Variants in PHF14 observed in about 807,000 individuals in gnomAD.
The protein encoded by PHF14 is PHD finger protein 14.
A neutral mutation model predicts 117.9 loss-of-function variants in PHF14; 55 were observed. That is an observed-to-expected ratio of 0.47 (90% CI 0.38 to 0.58). The LOEUF (loss-of-function observed/expected upper bound fraction) is 0.58, where lower values mean the gene tolerates loss of function less well. Among genes scored for constraint, PHF14 ranks in the 20% least tolerant of loss-of-function variants. The pLI is 0.00. For missense variants in PHF14, 978 were observed against 1,122.2 expected (o/e 0.87, Z 1.84); for synonymous variants, 409 against 368.6 (o/e 1.11, Z -1.26).
chr7:10,985,939 C>T (rs762615853), intron 3 of PHF14, among the ~76,000 whole-genome samples: 13 of 152,050 alleles, frequency 8.5e-5, no homozygotes, highest in Middle Eastern at 3.4e-3. Flanking sequence ...AGGCATGAGC[C>T]ACCACACCTG....
At chr7:11,049,050 A>G (rs78921195) in intron 13 of PHF14, among the ~76,000 whole-genome samples, 2,287 of 152,326 alleles carry the variant, frequency 0.015, 54 homozygotes, top group East Asian at 0.1. Context: ...AGAAGCGAAG[A>G]GGAAATATTT....
chr7:11,133,350 A>G (rs1475130205), intron 17 of PHF14, among the ~76,000 whole-genome samples: 2 of 151,954 alleles, frequency 1.3e-5, no homozygotes, highest in Non-Finnish European at 2.9e-5. Context: ...GTAAAAGACA[A>G]ATAGGTCAAT....
intron 13 of PHF14, among the ~76,000 whole-genome samples, chr7:11,044,375 A>T (rs868705010): frequency 1.3e-5 from 2 of 152,140 alleles, no homozygotes; most frequent in African/African-American, 4.8e-5. Context: ...TGTTTTAGTG[A>T]GAGCACTTCT....
intron 3 of PHF14, among the ~76,000 whole-genome samples, chr7:10,985,884 C>T (rs971398505): frequency 6.6e-6 from 1 of 152,024 alleles, no homozygotes; most frequent in African/African-American, 2.4e-5. Context: ...AACTCCTGAC[C>T]TCAAGTGATC....
At chr7:11,044,533 T>A (rs983925949) in intron 13 of PHF14, among the ~76,000 whole-genome samples, 12 of 152,144 alleles carry the variant, frequency 7.9e-5, no homozygotes, top group African/African-American at 2.4e-4. Context: ...TCAACTTAGC[T>A]TTGGTTAGCA....
At chr7:11,031,741 A>G (rs758030213) in intron 7 of PHF14, among the ~76,000 whole-genome samples, 1 of 152,184 alleles carries the variant, frequency 6.6e-6, no homozygotes, top group Admixed American at 6.5e-5. Flanking sequence ...GAATAGAGTG[A>G]GACCCTACCT....
chr7:11,132,628 C>T (rs1213186701), intron 17 of PHF14, among the ~76,000 whole-genome samples: 1 of 151,676 alleles, frequency 6.6e-6, no homozygotes, highest in Non-Finnish European at 1.5e-5. Context: ...GAATCTGGGT[C>T]ATATGGTCTT....
intron 7 of PHF14, among the ~76,000 whole-genome samples, chr7:11,033,268 A>G (rs1244582700): frequency 1.3e-5 from 2 of 152,216 alleles, no homozygotes; most frequent in Non-Finnish European, 2.9e-5. Context: ...ACTCTAATAT[A>G]CAATTCCAGG....
At chr7:10,999,200 A>T (rs1476458176) in intron 4 of PHF14, among the ~76,000 whole-genome samples, 2 of 152,192 alleles carry the variant, frequency 1.3e-5, no homozygotes, top group East Asian at 3.9e-4. Context: ...ACTTTCTTCT[A>T]GCACAATCTG....
At chr7:11,127,279 A>G (rs908795001) in intron 17 of PHF14, among the ~76,000 whole-genome samples, 8 of 139,576 alleles carry the variant, frequency 5.7e-5, no homozygotes, top group African/African-American at 2.2e-4. Flanking sequence ...GAGCTTTTCT[A>G]TGTAGAGGTG....
intron 17 of PHF14, among the ~76,000 whole-genome samples, chr7:11,122,352 T>TATATATACACACAC: frequency 3.0e-5 from 2 of 65,858 alleles, no homozygotes; most frequent in African/African-American, 1.5e-4. Flanking sequence ...TATATATATA[T>TATATATACACACAC]ACACACACAC....
chr7:11,046,740 G>A (rs1372501479), intron 13 of PHF14, among the ~76,000 whole-genome samples: 2 of 152,110 alleles, frequency 1.3e-5, no homozygotes, highest in African/African-American at 4.8e-5. Flanking sequence ...GCAGAAGTAG[G>A]AGGGACTGAG....
intron 16 of PHF14, chr7:11,104,800 A>G (rs541098484): frequency 1.4e-6 from 1 of 716,744 alleles, no homozygotes; most frequent in African/African-American, 1.9e-5. Flanking sequence ...GAAAATTTGC[A>G]TTTCTAACAA....
Position 11,169,457 on chromosome 7 carries a change from G to A in PHF14, c.2814G>A (p.Glu938=). The A allele has an allele frequency of 6.6e-7, 1 of 1,525,480 alleles. No individual in the cohort carries two copies. Among genetic ancestry groups the A allele is most frequent in the South Asian group, 1.3e-5 (1 of 77,570 alleles). 94.5% of individuals were successfully genotyped at this position (1,525,480 alleles called of 1,614,324 possible). ...CTGAAAGAAAAAATATATCTCAGGAGCTCAACATGGAACAGAAAAATCCAA... is the reference window on the plus strand; with the variant it reads ...CTGAAAGAAAAAATATATCTCAGGAACTCAACATGGAACAGAAAAATCCAA... The part of the protein sequence containing the change: ...NEAERKNISQ[E]LNMEQKNPKK Residue 938 remains glutamate, a synonymous_variant, in exon 18 of 18, where the codon GAG becomes GAA. Coordinates refer to ENST00000634607, the MANE Select transcript of PHF14 (RefSeq NM_001007157.2).
chr7:11,069,259 T>G (rs559652193), intron 16 of PHF14, among the ~76,000 whole-genome samples: 5 of 152,064 alleles, frequency 3.3e-5, no homozygotes, highest in Admixed American at 3.3e-4. Flanking sequence ...AGAGGAGAAA[T>G]TTAGTCTTAC....
At chr7:11,083,164 C>T (rs970694118) in intron 16 of PHF14, among the ~76,000 whole-genome samples, 1 of 152,146 alleles carries the variant, frequency 6.6e-6, no homozygotes, top group Non-Finnish European at 1.5e-5. Flanking sequence ...GCAGGATTTG[C>T]GTCAGGGATA....
At chr7:11,152,536 C>G (rs1788730417) in intron 17 of PHF14, among the ~76,000 whole-genome samples, 1 of 151,998 alleles carries the variant, frequency 6.6e-6, no homozygotes, top group South Asian at 2.1e-4. Flanking sequence ...TTACTTGATT[C>G]CCATGCTTCT....
intron 16 of PHF14, among the ~76,000 whole-genome samples, chr7:11,082,603 G>A (rs746460501): frequency 6.6e-6 from 1 of 152,098 alleles, no homozygotes; most frequent in East Asian, 1.9e-4. Flanking sequence ...ATGAATTGTT[G>A]ACTTGTACTT....
chr7:11,075,902 C>A (rs1243982731), intron 16 of PHF14, among the ~76,000 whole-genome samples: 2 of 151,942 alleles, frequency 1.3e-5, no homozygotes, highest in African/African-American at 4.8e-5. Context: ...GAGGCTGAGG[C>A]GGGTGGATCA....
Sources: gnomAD v4.1 joint callset for allele counts (sites outside exome capture counted in the v4.1 genomes callset) on GRCh38, gnomAD v4.1.1 for gene constraint, MANE v1.5 for transcripts, NCBI Gene and HGNC (gene_info 2026-07-23, HGNC 2026-07-21) for gene names.